Variants in ASIC2 observed in about 807,000 individuals in gnomAD.
ASIC2 encodes acid-sensing ion channel 2.
A neutral mutation model predicts 57.3 loss-of-function variants in ASIC2; 25 were observed. The ratio of observed to expected loss-of-function variants is 0.44; its 90% CI spans 0.32 to 0.61. ASIC2 has a LOEUF of 0.61. ASIC2 is among the 20% of genes least tolerant of loss of function. The pLI, the probability that ASIC2 is intolerant of heterozygous loss-of-function variation, is 0.06. For synonymous variants in ASIC2, 319 were observed against 307.5 expected, an observed-to-expected ratio of 1.04 and a Z score of -0.39; for missense variants, 641 against 738.1, an observed-to-expected ratio of 0.87 and a Z score of 1.52.
intron 1 of ASIC2, among the ~76,000 whole-genome samples, chr17:33,809,171 T>C (rs1468521406): frequency 6.6e-6 from 1 of 152,142 alleles, no homozygotes; most frequent in Non-Finnish European, 1.5e-5. Context: ...AGTGGCACTG[T>C]CCTCTGTGCA....
In ASIC2 at chr17:33,734,007, C is replaced by G. The variant is rs76309709; in HGVS notation, c.555+421971G>C. On this transcript the variant is annotated intron_variant, in intron 1 of 9. Coordinates refer to the ASIC2 transcript ENST00000359872. ...ACTACTTCACACCCTTTCCCCTCCC[C>G]CTAGGCCTCTGCAAAGCAGTCTTAG... Among the ~76,000 whole-genome samples the G allele has an allele frequency of 2.2e-4, 34 of 152,288 alleles. No individual in the cohort carries two copies. The East Asian group carries it at 2.5e-3, about 11-fold the overall frequency.
intron 1 of ASIC2, among the ~76,000 whole-genome samples, chr17:33,857,121 G>A (rs1913978990): frequency 6.6e-6 from 1 of 152,054 alleles, no homozygotes. Flanking sequence ...AAATTGAAGG[G>A]TCTTACCCTA....
chr17:33,531,119 C>T (rs1422619777), intron 1 of ASIC2, among the ~76,000 whole-genome samples: 1 of 151,660 alleles, frequency 6.6e-6, no homozygotes, highest in African/African-American at 2.4e-5. Context: ...AAGGTTTGAA[C>T]CCTAGACTCT....
intron 1 of ASIC2, among the ~76,000 whole-genome samples, chr17:33,817,954 G>T (rs1335525695): frequency 6.6e-6 from 1 of 152,106 alleles, no homozygotes; most frequent in African/African-American, 2.4e-5. Context: ...TACAGCACAT[G>T]GTTTCGGGGT....
chr17:33,366,354 C>G (rs1908808942), intron 1 of ASIC2, among the ~76,000 whole-genome samples: 1 of 152,214 alleles, frequency 6.6e-6, no homozygotes. Context: ...TCTCCTTCCT[C>G]TTATACTCTC....
intron 2 of ASIC2, among the ~76,000 whole-genome samples, chr17:33,111,546 G>C (rs2092258165): frequency 6.6e-6 from 1 of 152,080 alleles, no homozygotes. Context: ...TCTTCTAATT[G>C]GGTCGGGATA....
At chr17:33,957,577 G>C (rs949821203) in intron 1 of ASIC2, among the ~76,000 whole-genome samples, 1 of 152,122 alleles carries the variant, frequency 6.6e-6, no homozygotes, top group Non-Finnish European at 1.5e-5. Flanking sequence ...AAAACCATCA[G>C]ATCTAATGAG....
At chr17:33,321,232 T>C (rs979263885) in intron 1 of ASIC2, among the ~76,000 whole-genome samples, 8 of 152,212 alleles carry the variant, frequency 5.3e-5, no homozygotes, top group African/African-American at 1.9e-4. Flanking sequence ...CATTATTTCC[T>C]CGAGCCTAAG....
chr17:33,894,054 A>G (rs1242737695), intron 1 of ASIC2, among the ~76,000 whole-genome samples: 1 of 151,216 alleles, frequency 6.6e-6, no homozygotes, highest in African/African-American at 2.4e-5. Flanking sequence ...GATTGGCTCT[A>G]TATTTTATTG....
chr17:33,877,493 T>A (rs367609775), intron 1 of ASIC2, among the ~76,000 whole-genome samples: 59 of 152,186 alleles, frequency 3.9e-4, no homozygotes, highest in African/African-American at 1.3e-3. Context: ...GCTCGGAGGG[T>A]CCTACGCCCA....
chr17:33,491,441 A>C (rs554617488), intron 1 of ASIC2, among the ~76,000 whole-genome samples: 2 of 152,204 alleles, frequency 1.3e-5, no homozygotes, highest in African/African-American at 4.8e-5. Flanking sequence ...AAAACTTTCC[A>C]TACATTGGCT....
chr17:33,054,270 A>G (rs1199492602), intron 3 of ASIC2, among the ~76,000 whole-genome samples: 3 of 152,026 alleles, frequency 2.0e-5, no homozygotes, highest in African/African-American at 7.3e-5. Flanking sequence ...TAGGTGACTG[A>G]TTACTCTTTC....
chr17:33,851,843 CT>C (rs1913774320), intron 1 of ASIC2, among the ~76,000 whole-genome samples: 1 of 152,224 alleles, frequency 6.6e-6, no homozygotes, highest in Non-Finnish European at 1.5e-5. Flanking sequence ...GGAACCTCAG[CT>C]TGTTTATCTC....
At chr17:33,045,914 A>C (rs1454295611) in intron 3 of ASIC2, among the ~76,000 whole-genome samples, 1 of 152,172 alleles carries the variant, frequency 6.6e-6, no homozygotes, top group Non-Finnish European at 1.5e-5. Context: ...ACCTTTCTCT[A>C]TGTGAATTGG....
chr17:33,599,414 TGTA>T (rs1905070235), intron 1 of ASIC2, among the ~76,000 whole-genome samples: 4 of 152,208 alleles, frequency 2.6e-5, no homozygotes, highest in South Asian at 4.1e-4. Flanking sequence ...TCTCAGGACA[TGTA>T]GGAGGCTGCC....
chr17:33,753,404 C>T (rs2142106518), intron 1 of ASIC2, among the ~76,000 whole-genome samples: 1 of 152,316 alleles, frequency 6.6e-6, no homozygotes, highest in East Asian at 1.9e-4. Context: ...CGTCATCATA[C>T]ATTTGTCAAA....
At chr17:33,993,760 C>T (rs1264474310) in intron 1 of ASIC2, among the ~76,000 whole-genome samples, 2 of 152,200 alleles carry the variant, frequency 1.3e-5, no homozygotes, top group East Asian at 3.8e-4. Flanking sequence ...AGTGTCTGTT[C>T]TGCCCCCTCA....
intron 1 of ASIC2, among the ~76,000 whole-genome samples, chr17:33,922,044 T>G (rs942053786): frequency 6.6e-6 from 1 of 152,164 alleles, no homozygotes; most frequent in African/African-American, 2.4e-5. Flanking sequence ...AGGGCCACTT[T>G]GCACTGTCAA....
chr17:33,990,320 A>G (rs1037206068), intron 1 of ASIC2, among the ~76,000 whole-genome samples: 10 of 152,190 alleles, frequency 6.6e-5, no homozygotes, highest in Admixed American at 2.0e-4. Flanking sequence ...GGCATAGAAA[A>G]TTGTCTGGCA....
Sources: allele counts gnomAD v4.1 joint callset (sites outside exome capture counted in the v4.1 genomes callset), GRCh38; gene constraint gnomAD v4.1.1; transcripts MANE v1.5; gene names NCBI Gene and HGNC (gene_info 2026-07-23, HGNC 2026-07-21).